ALK: variants seen among roughly 807,000 people sequenced by gnomAD.
The protein encoded by ALK is ALK receptor tyrosine kinase, also known as ALK tyrosine kinase receptor.
ALK carries 74 observed loss-of-function variants against 163.1 expected under a neutral mutation model. The ratio of observed to expected loss-of-function variants is 0.45; its 90% CI spans 0.38 to 0.55. The LOEUF (loss-of-function observed/expected upper bound fraction) is 0.55, where lower values mean the gene tolerates loss of function less well. ALK is among the 20% of genes least tolerant of loss of function. The probability of loss-of-function intolerance (pLI) is 0.00; values close to 1 mark genes in which losing one functional copy is unlikely to be tolerated. For synonymous variants in ALK, 960 were observed against 843.2 expected (o/e 1.14, Z -2.40); for missense variants, 2,063 against 2,105.3 (o/e 0.98, Z 0.39).
chr2:29,507,478 T>C (rs1672366728), intron 4 of ALK, among the ~76,000 whole-genome samples: 1 of 152,204 alleles, frequency 6.6e-6, no homozygotes, highest in Non-Finnish European at 1.5e-5. Context: ...GCAATGTGAA[T>C]GTACTTTAAC....
At chr2:29,642,760 G>A (rs1033165397) in intron 3 of ALK, among the ~76,000 whole-genome samples, 1 of 152,072 alleles carries the variant, frequency 6.6e-6, no homozygotes, top group African/African-American at 2.4e-5. Context: ...CAAAAAACCT[G>A]TTATAATTTC....
At chr2:29,253,019 G>A (rs967443233) in intron 11 of ALK, among the ~76,000 whole-genome samples, 1 of 151,812 alleles carries the variant, frequency 6.6e-6, no homozygotes, top group Non-Finnish European at 1.5e-5. Context: ...TGAGATGGGG[G>A]TCTCACTCTC....
intron 4 of ALK, among the ~76,000 whole-genome samples, chr2:29,496,268 T>C (rs1183891820): frequency 6.6e-6 from 1 of 152,254 alleles, no homozygotes; most frequent in African/African-American, 2.4e-5. Context: ...TCCAAGCTTA[T>C]TTGTCAAAAT....
chr2:29,746,124 A>AGAT (rs1245405418), intron 1 of ALK, among the ~76,000 whole-genome samples: 1 of 152,198 alleles, frequency 6.6e-6, no homozygotes, highest in Non-Finnish European at 1.5e-5. Context: ...GGTTCAGAGA[A>AGAT]GATACGTAAC....
chr2:29,643,609 G>A (rs965074547), intron 3 of ALK, among the ~76,000 whole-genome samples: 1 of 152,180 alleles, frequency 6.6e-6, no homozygotes, highest in African/African-American at 2.4e-5. Flanking sequence ...CCAGGAGCGG[G>A]TGAACAGTGG....
intron 3 of ALK, among the ~76,000 whole-genome samples, chr2:29,624,602 G>C (rs757747002): frequency 5.9e-5 from 9 of 152,166 alleles, no homozygotes; most frequent in Non-Finnish European, 1.3e-4. Context: ...AGCAGGGGAT[G>C]GGGGGAGGGA....
At chr2:29,494,382 A>T (rs982497167) in intron 4 of ALK, among the ~76,000 whole-genome samples, 1 of 152,162 alleles carries the variant, frequency 6.6e-6, no homozygotes, top group African/African-American at 2.4e-5. Context: ...GATGAGAGGC[A>T]GATGCTAACA....
chr2:29,702,850 C>T (rs1186234693), intron 2 of ALK, among the ~76,000 whole-genome samples: 1 of 152,230 alleles, frequency 6.6e-6, no homozygotes, highest in Non-Finnish European at 1.5e-5. Context: ...CCCCACGATT[C>T]AATTACGTCC....
At chr2:29,568,012 G>A (rs1674244711) in intron 3 of ALK, among the ~76,000 whole-genome samples, 1 of 152,168 alleles carries the variant, frequency 6.6e-6, no homozygotes, top group South Asian at 2.1e-4. Flanking sequence ...TATATACTGA[G>A]ATATATTAAA....
chr2:29,531,889 A>G, intron 4 of ALK, 26 bp downstream of exon 4: 2 of 1,612,972 alleles, frequency 1.2e-6, no homozygotes, highest in Non-Finnish European at 1.7e-6. Flanking sequence ...GTATAAAATC[A>G]ATTTTGGACA....
intron 4 of ALK, among the ~76,000 whole-genome samples, chr2:29,483,534 A>G (rs1328630665): frequency 6.6e-6 from 1 of 152,232 alleles, no homozygotes; most frequent in Non-Finnish European, 1.5e-5. Context: ...TCATGTGCAC[A>G]TCCAAGTTTG....
chr2:29,591,929 T>C (rs1675070552), intron 3 of ALK, among the ~76,000 whole-genome samples: 1 of 151,818 alleles, frequency 6.6e-6, no homozygotes, highest in African/African-American at 2.4e-5. Context: ...TTCTCATGAG[T>C]CCGTCTTTAT....
chr2:29,645,877 C>T (rs1456574312), intron 3 of ALK, among the ~76,000 whole-genome samples: 1 of 152,140 alleles, frequency 6.6e-6, no homozygotes, highest in Non-Finnish European at 1.5e-5. Context: ...CTTCTCATCT[C>T]CCCAAGATGC....
rs1311214583 is a variant in ALK, at chr2:29,197,010, G to A, written c.4074-150C>T. 5 of 676,658 alleles carry A rather than the reference G, an allele frequency of 7.4e-6. No individual in the cohort carries two copies. In the Admixed American group the frequency reaches 9.0e-5, roughly 12 times the overall value. 41.9% of individuals were successfully genotyped at this position (676,658 alleles called of 1,614,324 possible). A position where few individuals can be genotyped will look rare whatever the true frequency, so the allele number is the denominator to read the frequency against. On this transcript the variant is annotated intron_variant, in intron 27 of 28. Coordinates refer to ENST00000389048, the MANE Select transcript of ALK (RefSeq NM_004304.5). The stretch of plus-strand genomic sequence containing the variant: ...GGCCTATGCTGCCCCCTGCTGATTG[G>A]TCAAGGAAGAGTGCGCAGGTGTAAA...
At chr2:29,709,294 T>C (rs1258165510) in intron 2 of ALK, among the ~76,000 whole-genome samples, 1 of 152,162 alleles carries the variant, frequency 6.6e-6, no homozygotes, top group Non-Finnish European at 1.5e-5. Context: ...TTCCTGAAAC[T>C]GATTAATATG....
At chr2:29,475,117 C>A (rs767888231) in intron 4 of ALK, among the ~76,000 whole-genome samples, 2 of 152,146 alleles carry the variant, frequency 1.3e-5, no homozygotes, top group Non-Finnish European at 2.9e-5. Flanking sequence ...TGACTTCCTG[C>A]AGAAGCATCA....
chr2:29,612,102 G>A (rs541849915), intron 3 of ALK, among the ~76,000 whole-genome samples: 1 of 152,268 alleles, frequency 6.6e-6, no homozygotes, highest in East Asian at 1.9e-4. Flanking sequence ...TGACACCAGG[G>A]TGTGCAACAG....
chr2:29,213,246 C>T (rs972225490), intron 24 of ALK, among the ~76,000 whole-genome samples: 2 of 152,198 alleles, frequency 1.3e-5, no homozygotes, highest in African/African-American at 4.8e-5. Flanking sequence ...GAAAGACATA[C>T]ATGATATATG....
intron 5 of ALK, among the ~76,000 whole-genome samples, chr2:29,347,766 T>A (rs1003029455): frequency 2.0e-5 from 3 of 152,276 alleles, no homozygotes; most frequent in Middle Eastern, 3.4e-3. Context: ...GCTCTTTCCA[T>A]CTGAAGAAAG....
Sources: gnomAD v4.1 joint callset for allele counts (sites outside exome capture counted in the v4.1 genomes callset) on GRCh38, gnomAD v4.1.1 for gene constraint, MANE v1.5 for transcripts, NCBI Gene and HGNC (gene_info 2026-07-23, HGNC 2026-07-21) for gene names.